The following DOCK4 variants were observed in gnomAD, a reference collection of about 807,000 sequenced individuals.
DOCK4 encodes dedicator of cytokinesis protein 4.
DOCK4 carries 97 observed loss-of-function variants against 268.1 expected under a neutral mutation model. That is an observed-to-expected ratio of 0.36 (90% confidence interval 0.31 to 0.43). The LOEUF is 0.43. Among genes scored for constraint, DOCK4 ranks in the 20% least tolerant of loss-of-function variants. The pLI is 1.00. For synonymous variants in DOCK4, 954 were observed against 887.2 expected (o/e 1.08, Z -1.34); for missense variants, 2,145 against 2,455.7 (o/e 0.87, Z 2.67).
At chr7:112,193,709 A>G (rs540751302) in intron 1 of DOCK4, among the ~76,000 whole-genome samples, 2 of 151,966 alleles carry the variant, frequency 1.3e-5, no homozygotes, top group Non-Finnish European at 2.9e-5. Context: ...CATTGATTAC[A>G]CTGAGGTTGA....
At chr7:112,012,884 C>T (rs1801469504) in intron 1 of DOCK4, among the ~76,000 whole-genome samples, 1 of 151,742 alleles carries the variant, frequency 6.6e-6, no homozygotes, top group Non-Finnish European at 1.5e-5. Context: ...AGTCACAAAA[C>T]ATATAACACA....
At chr7:111,969,498 G>A (rs1419579410) in intron 8 of DOCK4, among the ~76,000 whole-genome samples, 1 of 151,358 alleles carries the variant, frequency 6.6e-6, no homozygotes, top group Non-Finnish European at 1.5e-5. Flanking sequence ...AGAGCAAAGG[G>A]CTACATTGAA....
At chr7:112,066,599 TATATACAC>T (rs1806984141) in intron 1 of DOCK4, among the ~76,000 whole-genome samples, 1 of 124,978 alleles carries the variant, frequency 8.0e-6, no homozygotes, top group Non-Finnish European at 1.5e-5. Flanking sequence ...CACATATACA[TATATACAC>T]GTGTATACAT....
chr7:111,900,988 T>C (rs1423633297), intron 14 of DOCK4, among the ~76,000 whole-genome samples: 1 of 152,156 alleles, frequency 6.6e-6, no homozygotes, highest in Non-Finnish European at 1.5e-5. Flanking sequence ...CCCCAATTAG[T>C]AAGTAGTACC....
chr7:112,093,195 T>C (rs1048770703), intron 1 of DOCK4, among the ~76,000 whole-genome samples: 2 of 152,102 alleles, frequency 1.3e-5, no homozygotes, highest in Non-Finnish European at 2.9e-5. Context: ...CCAGAATTGC[T>C]TCATGATCAC....
At chr7:112,125,997 C>T (rs1035490364) in intron 1 of DOCK4, among the ~76,000 whole-genome samples, 4 of 151,964 alleles carry the variant, frequency 2.6e-5, no homozygotes, top group African/African-American at 7.2e-5. Context: ...GACGGGGCTT[C>T]GTCATATTGC....
chr7:111,977,100 G>A (rs1423476972), intron 8 of DOCK4, 32 bp downstream of exon 8: 3 of 1,609,800 alleles, frequency 1.9e-6, no homozygotes, highest in Non-Finnish European at 1.7e-6. Flanking sequence ...CTAACATTAA[G>A]ACATTGAAAC....
intron 1 of DOCK4, among the ~76,000 whole-genome samples, chr7:112,193,348 C>A (rs2116814795): frequency 6.6e-6 from 1 of 152,236 alleles, no homozygotes; most frequent in South Asian, 2.1e-4. Flanking sequence ...GTAATCCTAG[C>A]ACTTTGAGAG....
At chr7:112,084,985 G>A (rs1194890901) in intron 1 of DOCK4, among the ~76,000 whole-genome samples, 3 of 152,044 alleles carry the variant, frequency 2.0e-5, no homozygotes, top group Non-Finnish European at 2.9e-5. Flanking sequence ...GCTTGGAAGT[G>A]GTCAAGCAGG....
chr7:112,044,465 A>G (rs1804658368), intron 1 of DOCK4, among the ~76,000 whole-genome samples: 1 of 152,196 alleles, frequency 6.6e-6, no homozygotes, highest in Non-Finnish European at 1.5e-5. Flanking sequence ...TCATCAAGGT[A>G]TGTAAGTTTT....
rs1794664710 is a variant in DOCK4, at chr7:111,726,591, AAC to A, written c.*1681_*1682del. On this transcript the variant is annotated 3_prime_UTR_variant, in exon 53 of 53. Coordinates refer to ENST00000428084, the MANE Select transcript of DOCK4 (RefSeq NM_001363540.2). Reference sequence around the variant, plus strand: ...GCATATGTTCCTTTTCTCAATTATGAACACTTTCACTAAACATAAATATTTAA... The same window carrying A: ...GCATATGTTCCTTTTCTCAATTATGAACTTTCACTAAACATAAATATTTAA... The A allele has an allele frequency of 6.6e-6, 1 of 152,662 alleles. No homozygotes were observed. Among genetic ancestry groups the A allele is most frequent in the Admixed American group, 6.5e-5 (1 of 15,294 alleles). 9.5% of individuals were successfully genotyped at this position (152,662 alleles called of 1,614,324 possible).
chr7:112,116,524 A>T (rs189277046), intron 1 of DOCK4, among the ~76,000 whole-genome samples: 2 of 152,296 alleles, frequency 1.3e-5, no homozygotes, highest in Non-Finnish European at 2.9e-5. Flanking sequence ...CACAAAGAAC[A>T]TGTGTCACAA....
intron 16 of DOCK4, among the ~76,000 whole-genome samples, chr7:111,884,931 C>T (rs930944623): frequency 3.3e-5 from 5 of 152,180 alleles, no homozygotes; most frequent in Admixed American, 3.3e-4. Flanking sequence ...AAAGGTTATC[C>T]AGTTTCCTAA....
intron 1 of DOCK4, among the ~76,000 whole-genome samples, chr7:112,114,226 T>TA (rs1811925891): frequency 6.6e-6 from 1 of 152,152 alleles, no homozygotes; most frequent in Non-Finnish European, 1.5e-5. Context: ...TCCCCACCAC[T>TA]AATACTGGAA....
chr7:111,732,144 C>G, intron 52 of DOCK4, 82 bp downstream of exon 52: 1 of 1,398,772 alleles, frequency 7.1e-7, no homozygotes, highest in Non-Finnish European at 9.9e-7. Context: ...AATTAAAGCA[C>G]CTTTTGATAT....
chr7:111,840,334 A>T (rs1803580358), intron 25 of DOCK4, among the ~76,000 whole-genome samples: 2 of 152,260 alleles, frequency 1.3e-5, no homozygotes, highest in Non-Finnish European at 2.9e-5. Flanking sequence ...GACCTGGCCT[A>T]TGCCCAGAAG....
intron 1 of DOCK4, among the ~76,000 whole-genome samples, chr7:112,205,818 C>G (rs1473800562): frequency 6.6e-6 from 1 of 152,100 alleles, no homozygotes; most frequent in Non-Finnish European, 1.5e-5. Context: ...CCACTCCAAA[C>G]TCCGCAGGCA....
chr7:111,971,800 G>T, intron 8 of DOCK4: 2 of 301,976 alleles, frequency 6.6e-6, no homozygotes, highest in East Asian at 1.0e-4. Flanking sequence ...GCCACTTACG[G>T]GGGATGGCTC....
chr7:111,902,279 G>A (rs961254096), intron 13 of DOCK4, among the ~76,000 whole-genome samples: 1 of 152,172 alleles, frequency 6.6e-6, no homozygotes, highest in Non-Finnish European at 1.5e-5. Context: ...TGGACAAAAT[G>A]ATCTCACTGC....
Sources: allele counts gnomAD v4.1 joint callset (sites outside exome capture counted in the v4.1 genomes callset), GRCh38; gene constraint gnomAD v4.1.1; transcripts MANE v1.5; gene names NCBI Gene and HGNC (gene_info 2026-07-23, HGNC 2026-07-21).